Variants in POLR3C observed in about 807,000 individuals in gnomAD.
The protein encoded by POLR3C is RNA polymerase III subunit C.
POLR3C carries 44 observed loss-of-function variants against 65.9 expected under a neutral mutation model. That is an observed-to-expected ratio of 0.67 (90% CI 0.52 to 0.86). The LOEUF (loss-of-function observed/expected upper bound fraction) is 0.86. Ranked by LOEUF, POLR3C falls within the 40% of genes least tolerant of loss-of-function variation. The pLI, the probability that POLR3C is intolerant of heterozygous loss-of-function variation, is 0.00. For missense variants in POLR3C, 576 were observed against 653.2 expected (o/e 0.88, Z 1.29); for synonymous variants, 263 against 231.6 (o/e 1.14, Z -1.23).
intron 14 of POLR3C, among the ~76,000 whole-genome samples, chr1:145,841,313 CGG>C (rs1210604100): frequency 6.6e-6 from 1 of 152,144 alleles, no homozygotes; most frequent in Non-Finnish European, 1.5e-5. Context: ...TTTTAAGAGA[CGG>C]GGTTTTGGCT....
At chr1:145,829,759 T>C (rs1651137966) in intron 5 of POLR3C, among the ~76,000 whole-genome samples, 1 of 152,188 alleles carries the variant, frequency 6.6e-6, no homozygotes, top group South Asian at 2.1e-4. Context: ...TTCTGGTCTT[T>C]AGACTTTGGC....
chr1:145,826,570 T>C lies in POLR3C; in HGVS notation c.264T>C (p.Tyr88=). Reference sequence around the variant, plus strand: ...GCCGGGTATTGCGAATGCTTAGATATCCCCGGTACATCTATACTACCAAAA... The same window carrying C: ...GCCGGGTATTGCGAATGCTTAGATACCCCCGGTACATCTATACTACCAAAA... ...QCSRVLRMLR[Y]PRYIYTTKTL... The change falls in exon 3 of 15, where the codon TAT becomes TAC. Residue 88 remains tyrosine (Y), a synonymous_variant. Coordinates refer to ENST00000334163, the MANE Select transcript of POLR3C (RefSeq NM_006468.8). The C allele has an allele frequency of 6.2e-7, 1 of 1,614,106 alleles. No homozygotes were observed.
chr1:145,835,072 A>C (rs879958617), intron 7 of POLR3C, among the ~76,000 whole-genome samples: 2 of 148,288 alleles, frequency 1.3e-5, no homozygotes, highest in Non-Finnish European at 3.0e-5. Flanking sequence ...CTTGAGCCCA[A>C]GAGTTGAGGT....
chr1:145,836,677 A>G, intron 8 of POLR3C, 103 bp downstream of exon 8: 1 of 942,836 alleles, frequency 1.1e-6, no homozygotes, highest in Non-Finnish European at 1.8e-6. Flanking sequence ...GTTATTCTCT[A>G]CCTAGCCAGC....
intron 11 of POLR3C, among the ~76,000 whole-genome samples, chr1:145,839,050 CA>C (rs372072628): frequency 5.7e-4 from 87 of 152,298 alleles, no homozygotes; most frequent in African/African-American, 2.0e-3. Context: ...GCGGACGGAT[CA>C]CTTGAGGTCA....
chr1:145,829,184 T>C (rs1553726542), intron 5 of POLR3C, among the ~76,000 whole-genome samples: 1 of 152,208 alleles, frequency 6.6e-6, no homozygotes, highest in Non-Finnish European at 1.5e-5. Flanking sequence ...AATGCCTTCT[T>C]AGCGTACCTA....
chr1:145,832,993 G>T (rs1365984285), intron 5 of POLR3C, among the ~76,000 whole-genome samples: 2 of 152,138 alleles, frequency 1.3e-5, no homozygotes, highest in Non-Finnish European at 2.9e-5. Flanking sequence ...CTGCACTCCA[G>T]CCTGGGTGAC....
rs587668495 is a variant in POLR3C at position 145,837,634 on chromosome 1, TC to T, written c.1070+40del. On this transcript the variant is annotated intron_variant, in intron 10 of 14. Transcript: ENST00000334163. ...CTGGTTGGGTTTGGGATCACATACT[TC>T]CTATCCCCAGTGAAGTAATTTGATC... 869 of 1,283,592 alleles carry T rather than the reference TC, an allele frequency of 6.8e-4. 2 individuals are homozygous for T. The African/African-American group carries it at 0.011, about 16-fold the overall frequency. 79.5% of individuals were successfully genotyped at this position (1,283,592 alleles called of 1,614,324 possible).
intron 2 of POLR3C, 73 bp from the exon 3 acceptor site, chr1:145,826,381 C>CA (rs1650745380): frequency 1.4e-6 from 2 of 1,420,128 alleles, no homozygotes; most frequent in Admixed American, 3.6e-5. Flanking sequence ...AGCTGTTGGA[C>CA]AAAAAATTGC....
chr1:145,826,790 C>A, intron 3 of POLR3C, 30 bp from the exon 4 acceptor site: 1 of 1,603,790 alleles, frequency 6.2e-7, no homozygotes, highest in Non-Finnish European at 8.5e-7. Context: ...CTTAGGCCAT[C>A]TCATCTGCCT....
At position 145,824,302 on chromosome 1, in the gene POLR3C, C is replaced by T. The variant is rs1570712280; in HGVS notation, c.-88C>T. 4 of 307,218 alleles carry T rather than the reference C, an allele frequency of 1.3e-5. No individual in the cohort carries two copies. Among genetic ancestry groups the T allele is most frequent in the Non-Finnish European group, 1.3e-5 (2 of 155,366 alleles). 19.0% of individuals were successfully genotyped at this position (307,218 alleles called of 1,614,324 possible). ...CTCGGCCTAGAAGGCCAGCGGGAGC[C>T]GTAGGAAGCCGTCGCGGGAAGCTCA... On this transcript the variant is annotated 5_prime_UTR_variant, in exon 1 of 15. Transcript: ENST00000334163.
intron 11 of POLR3C, chr1:145,839,662 T>G (rs1570751509): frequency 2.4e-6 from 1 of 424,246 alleles, no homozygotes; most frequent in Non-Finnish European, 4.2e-6. Flanking sequence ...GAGCCGGAGG[T>G]GGAAGTTGCA....
At chr1:145,836,180 G>A (rs1464365777) in intron 7 of POLR3C, among the ~76,000 whole-genome samples, 2 of 151,252 alleles carry the variant, frequency 1.3e-5, no homozygotes, top group Non-Finnish European at 2.9e-5. Flanking sequence ...GAGTCCATTG[G>A]CGCAATCTCG....
chr1:145,832,109 A>C (rs1203698628), intron 5 of POLR3C, among the ~76,000 whole-genome samples: 1 of 152,218 alleles, frequency 6.6e-6, no homozygotes, highest in Non-Finnish European at 1.5e-5. Context: ...AAAATGTCCA[A>C]CCATGTCATA....
chr1:145,830,772 C>G (rs1469826130), intron 5 of POLR3C, among the ~76,000 whole-genome samples: 5 of 147,972 alleles, frequency 3.4e-5, no homozygotes, highest in African/African-American at 1.2e-4. Context: ...GCACTCCATC[C>G]TTGGTGACAG....
chr1:145,836,839 G>A lies in POLR3C; in HGVS notation c.982G>A (p.Asp328Asn), dbSNP rs781792983. The A allele has an allele frequency of 1.8e-5, 29 of 1,594,816 alleles. No homozygotes were observed. The South Asian group carries it at 2.2e-4, about 12-fold the overall frequency. ...DPLEFVGKSG[D>N]SGGGMYVINL... ...GCTAGAGTTTGTTGGAAAGTCTGGC[G>A]ACAGTGGTGGAGGAATGTATGTCAT... Residue 328 changes from aspartate to asparagine, a missense_variant, in exon 9 of 15, where the codon GAC becomes AAC. Physicochemically the swap from Asp to Asn is conservative, Grantham distance 23 (BLOSUM62 1). Transcript: ENST00000334163.
chr1:145,831,604 A>G (rs1185420969), intron 5 of POLR3C, among the ~76,000 whole-genome samples: 2 of 152,144 alleles, frequency 1.3e-5, no homozygotes, highest in African/African-American at 4.8e-5. Flanking sequence ...AGATAAAATT[A>G]CCCAAGTAGA....
intron 2 of POLR3C, among the ~76,000 whole-genome samples, chr1:145,826,218 G>A (rs1650728289): frequency 6.6e-6 from 1 of 152,196 alleles, no homozygotes. Context: ...TGAGAATGAT[G>A]AAAGTAAATT....
intron 13 of POLR3C, among the ~76,000 whole-genome samples, 156 bp from the exon 14 acceptor site, chr1:145,840,766 A>G (rs1257681720): frequency 6.6e-6 from 1 of 152,196 alleles, no homozygotes; most frequent in Non-Finnish European, 1.5e-5. Context: ...GTGAAGTTAT[A>G]TTTCCAAATA....
Sources: gnomAD v4.1 joint callset for allele counts (sites outside exome capture counted in the v4.1 genomes callset) on GRCh38, gnomAD v4.1.1 for gene constraint, MANE v1.5 for transcripts, NCBI Gene and HGNC (gene_info 2026-07-23, HGNC 2026-07-21) for gene names.